The following KATNB1 variants were observed in gnomAD, a reference collection of about 807,000 sequenced individuals.
KATNB1 encodes the protein katanin regulatory subunit B1.
Under a neutral mutation model 82.3 loss-of-function variants are expected in KATNB1, and 38 were observed. The observed-to-expected ratio is 0.46, with a 90% CI of 0.36 to 0.61. The LOEUF is 0.61. KATNB1 is among the 20% of genes least tolerant of loss of function. The pLI, the probability that KATNB1 is intolerant of heterozygous loss-of-function variation, is 0.00. For missense variants in KATNB1, 749 were observed against 915.7 expected (o/e 0.82, Z 2.35); for synonymous variants, 361 against 368.7 (o/e 0.98, Z 0.24).
chr16:57,747,630 G>A (rs2049193228), intron 4 of KATNB1, among the ~76,000 whole-genome samples: 2 of 152,156 alleles, frequency 1.3e-5, no homozygotes, highest in African/African-American at 2.4e-5. Context: ...GCTTGGTGTC[G>A]CTGAACTCAA....
At position 57,741,791 on chromosome 16, in the gene KATNB1, T is replaced by C; in HGVS notation, c.145T>C (p.Ser49Pro). The change falls in exon 3 of 20, where the codon TCC (serine) becomes CCC (proline). Residue 49 changes from serine to proline, a missense_variant. Physicochemically the swap from Ser to Pro is moderately conservative, Grantham distance 74. Transcript: ENST00000379661. ...GGATGACTGCCGCGTCAACCTGTGGTCCATCAACAAGCCCAACTGCATCAT... is the reference window on the plus strand; with the variant it reads ...GGATGACTGCCGCGTCAACCTGTGGCCCATCAACAAGCCCAACTGCATCAT... The part of the protein sequence containing the change: ...GGDDCRVNLW[S>P]INKPNCIMSL... 1 of 1,613,466 alleles carries C rather than the reference T, an allele frequency of 6.2e-7. No individual in the cohort carries two copies. The highest frequency in any genetic ancestry group is 8.5e-7 in the Non-Finnish European group (1 of 1,179,884).
rs1555583810 is a variant in KATNB1, at chr16:57,752,651, C to T, written c.704+50C>T. On this transcript the variant is annotated intron_variant, in intron 9 of 19. Coordinates refer to ENST00000379661, the MANE Select transcript of KATNB1 (RefSeq NM_005886.3). Reference sequence around the variant, plus strand: ...CCCAGCGCTCCTCCCGGCAGTGGGGCGTGGCTGTGGGTGGGCCTTTCCCAT... The same window carrying T: ...CCCAGCGCTCCTCCCGGCAGTGGGGTGTGGCTGTGGGTGGGCCTTTCCCAT... 9 of 1,545,188 alleles carry T rather than the reference C, an allele frequency of 5.8e-6. No individual in the cohort carries two copies. The South Asian group carries it at 5.9e-5, about 10-fold the overall frequency.
chr16:57,753,364 G>A (rs748243417), intron 11 of KATNB1, 25 bp from the exon 12 acceptor site: 92 of 1,601,116 alleles, frequency 5.7e-5, no homozygotes, highest in East Asian at 1.8e-4. Context: ...ACCTGCTTCC[G>A]TTGGGCTTGG....
At position 57,750,483 on chromosome 16, in the gene KATNB1, G is replaced by A. The variant is rs376938159; in HGVS notation, c.290-344G>A. Reference sequence around the variant, plus strand: ...TACCAAAAATATAAAAAAATTAGCCGGGTGTGGTGGCACATGCTTGTAATC... The same window carrying A: ...TACCAAAAATATAAAAAAATTAGCCAGGTGTGGTGGCACATGCTTGTAATC... On this transcript the variant is annotated intron_variant, in intron 4 of 19. Coordinates refer to ENST00000379661, the MANE Select transcript of KATNB1 (RefSeq NM_005886.3). Among the ~76,000 whole-genome samples the A allele has an allele frequency of 1.3e-3, 198 of 152,224 alleles. 4 individuals carry two copies. The South Asian group carries it at 0.038, about 29-fold the overall frequency.
chr16:57,755,823 G>A lies in KATNB1; in HGVS notation c.1567-18G>A, dbSNP rs369325670. ...TGTCCCCCACTGCCCCACCCCTGAC[G>A]GTGCTCTGTTTGCACAGACGTCGGT... On this transcript the variant is annotated intron_variant, in intron 16 of 19. Coordinates refer to ENST00000379661, the MANE Select transcript of KATNB1 (RefSeq NM_005886.3). 3.8e-6 allele frequency: 6 copies of A among 1,571,664 alleles called. No individual in the cohort carries two copies. The South Asian group carries it at 5.8e-5, about 15-fold the overall frequency.
chr16:57,740,793 C>T (rs1306294292), intron 2 of KATNB1, among the ~76,000 whole-genome samples: 1 of 152,150 alleles, frequency 6.6e-6, no homozygotes, highest in African/African-American at 2.4e-5. Flanking sequence ...AGCCCTCACC[C>T]CCACCCCAGC....
intron 4 of KATNB1, among the ~76,000 whole-genome samples, chr16:57,746,242 C>G (rs1318417619): frequency 6.6e-6 from 1 of 152,164 alleles, no homozygotes; most frequent in South Asian, 2.1e-4. Flanking sequence ...GAAGGTGCAG[C>G]TTTTCTGCCT....
chr16:57,756,395 G>A lies in KATNB1; in HGVS notation c.1758G>A (p.Leu586=). Residue 586 remains leucine (L), a synonymous_variant, in exon 19 of 20, where the codon CTG becomes CTA. Coordinates refer to ENST00000379661, the MANE Select transcript of KATNB1 (RefSeq NM_005886.3). The stretch of plus-strand genomic sequence containing the variant: ...GCTGCACCTCCCTGAAGCTGATCCT[G>A]CAGCGGTTTCTGCCCCTCATCACAG... The part of the protein sequence containing the change: ...QTGCTSLKLI[L]QRFLPLITDM... 1 of 1,614,024 alleles carries A rather than the reference G, an allele frequency of 6.2e-7. No homozygotes were observed. Among genetic ancestry groups the A allele is most frequent in the Non-Finnish European group, 8.5e-7 (1 of 1,180,008 alleles).
intron 16 of KATNB1, 170 bp downstream of exon 16, chr16:57,755,664 G>A: frequency 2.0e-6 from 2 of 1,021,152 alleles, no homozygotes; most frequent in Non-Finnish European, 2.8e-6. Context: ...ATCACAGACT[G>A]CCGTTTAGTG....
chr16:57,753,344 C>T, intron 11 of KATNB1, 45 bp from the exon 12 acceptor site: 1 of 1,590,878 alleles, frequency 6.3e-7, no homozygotes, highest in Non-Finnish European at 8.6e-7. Context: ...AGCCCTGGGC[C>T]TCACAGGGCA....
chr16:57,753,796 C>T (rs1231511191), intron 12 of KATNB1, 149 bp from the exon 13 acceptor site: 8 of 779,766 alleles, frequency 1.0e-5, no homozygotes, highest in Non-Finnish European at 1.6e-5. Flanking sequence ...AGGGGCAGGA[C>T]TGAGGGTTCC....
chr16:57,750,279 C>A (rs1555582668), intron 4 of KATNB1, among the ~76,000 whole-genome samples: 1 of 152,170 alleles, frequency 6.6e-6, no homozygotes, highest in African/African-American at 2.4e-5. Context: ...GAGTGTGGTA[C>A]AATTTCTGCA....
chr16:57,756,636 G>T, intron 19 of KATNB1, 164 bp downstream of exon 19: 1 of 1,219,984 alleles, frequency 8.2e-7, no homozygotes. Flanking sequence ...AGCCAGAGCT[G>T]GGTTCCTCCA....
At chr16:57,752,351 G>A (rs1405912413) in intron 8 of KATNB1, 179 bp from the exon 9 acceptor site, 21 of 670,166 alleles carry the variant, frequency 3.1e-5, no homozygotes, top group Non-Finnish European at 4.6e-5. Context: ...CCAACCCTGG[G>A]GCCAGGGCCA....
intron 4 of KATNB1, among the ~76,000 whole-genome samples, chr16:57,745,219 T>TA (rs1281381246): frequency 6.6e-6 from 1 of 152,112 alleles, no homozygotes; most frequent in East Asian, 1.9e-4. Context: ...TTTTCTTATT[T>TA]AAAAAACACC....
At chr16:57,741,536 G>A (rs1857951306) in intron 2 of KATNB1, 151 bp from the exon 3 acceptor site, 2 of 775,980 alleles carry the variant, frequency 2.6e-6, no homozygotes, top group Admixed American at 2.4e-5. Flanking sequence ...TGGTCCTGCA[G>A]CTCATGGTGG....
chr16:57,736,935 C>G (rs146116403), intron 1 of KATNB1, 43 bp from the exon 2 acceptor site: 20 of 631,476 alleles, frequency 3.2e-5, no homozygotes, highest in Middle Eastern at 2.5e-4. Context: ...CAGCTCTTAC[C>G]AAGCATTTTC....
chr16:57,749,298 T>A (rs1437335535), intron 4 of KATNB1, among the ~76,000 whole-genome samples: 2 of 152,246 alleles, frequency 1.3e-5, no homozygotes, highest in East Asian at 3.8e-4. Flanking sequence ...CTCCATTCTG[T>A]GACCCAACAT....
chr16:57,755,831 G>T lies in KATNB1; in HGVS notation c.1567-10G>T. On this transcript the variant is annotated splice_polypyrimidine_tract_variant and intron_variant, in intron 16 of 19. Coordinates refer to ENST00000379661, the MANE Select transcript of KATNB1 (RefSeq NM_005886.3). Reference sequence around the variant, plus strand: ...ACTGCCCCACCCCTGACGGTGCTCTGTTTGCACAGACGTCGGTGGACTCCG... The same window carrying T: ...ACTGCCCCACCCCTGACGGTGCTCTTTTTGCACAGACGTCGGTGGACTCCG... The T allele has an allele frequency of 6.3e-7, 1 of 1,579,836 alleles. No homozygotes were observed. Among genetic ancestry groups the T allele is most frequent in the Non-Finnish European group, 8.7e-7 (1 of 1,155,838 alleles).
Sources: allele counts gnomAD v4.1 joint callset (sites outside exome capture counted in the v4.1 genomes callset), GRCh38; gene constraint gnomAD v4.1.1; transcripts MANE v1.5; gene names NCBI Gene and HGNC (gene_info 2026-07-23, HGNC 2026-07-21).